Variants in SH3RF2 observed in about 807,000 individuals in gnomAD.
SH3RF2 encodes the protein E3 ubiquitin-protein ligase SH3RF2.
SH3RF2 carries 43 observed loss-of-function variants against 59.0 expected under a neutral mutation model. The ratio of observed to expected loss-of-function variants is 0.73; its 90% CI spans 0.57 to 0.94. The LOEUF is 0.94. Among genes scored for constraint, SH3RF2 ranks in the 40% least tolerant of loss-of-function variants. The probability of loss-of-function intolerance (pLI) is 0.00; values close to 1 mark genes in which losing one functional copy is unlikely to be tolerated. For synonymous variants in SH3RF2, 391 were observed against 391.5 expected (o/e 1.00, Z 0.01); for missense variants, 930 against 940.1 (o/e 0.99, Z 0.14).
At chr5:146,027,394 T>C (rs1761566777) in intron 5 of SH3RF2, among the ~76,000 whole-genome samples, 1 of 152,212 alleles carries the variant, frequency 6.6e-6, no homozygotes, top group Admixed American at 6.5e-5. Context: ...AAGCCCATTG[T>C]GAATCCTAGT....
chr5:146,017,078 C>T (rs1309663152), intron 5 of SH3RF2, among the ~76,000 whole-genome samples: 1 of 152,136 alleles, frequency 6.6e-6, no homozygotes, highest in African/African-American at 2.4e-5. Flanking sequence ...TATTTTTTCC[C>T]CTTTGTCATT....
chr5:145,979,539 C>T (rs1264013580), intron 2 of SH3RF2, among the ~76,000 whole-genome samples: 1 of 152,168 alleles, frequency 6.6e-6, no homozygotes, highest in Non-Finnish European at 1.5e-5. Context: ...TAACAAGCAG[C>T]TCTGTGGGGG....
At chr5:145,943,812 G>A (rs1757910428) in intron 2 of SH3RF2, among the ~76,000 whole-genome samples, 1 of 152,154 alleles carries the variant, frequency 6.6e-6, no homozygotes, top group African/African-American at 2.4e-5. Context: ...TGAGGCAATG[G>A]GTGGGGCATA....
intron 3 of SH3RF2, among the ~76,000 whole-genome samples, chr5:146,002,767 A>G (rs1346978896): frequency 2.0e-5 from 3 of 152,198 alleles, no homozygotes; most frequent in Non-Finnish European, 2.9e-5. Context: ...TTCTCATAGG[A>G]GCGTGAAACC....
chr5:146,016,160 G>T (rs1761094703), intron 5 of SH3RF2, among the ~76,000 whole-genome samples: 1 of 152,070 alleles, frequency 6.6e-6, no homozygotes, highest in South Asian at 2.1e-4. Flanking sequence ...ACTTGAGAAA[G>T]AATTAATTTC....
At chr5:146,015,664 A>G (rs1387833672) in intron 5 of SH3RF2, among the ~76,000 whole-genome samples, 1 of 152,222 alleles carries the variant, frequency 6.6e-6, no homozygotes, top group East Asian at 1.9e-4. Context: ...TGTGCTTTTA[A>G]AATTCTTATT....
intron 3 of SH3RF2, among the ~76,000 whole-genome samples, chr5:146,001,321 C>T (rs1359747817): frequency 6.6e-6 from 1 of 152,218 alleles, no homozygotes; most frequent in Non-Finnish European, 1.5e-5. Flanking sequence ...AAAAGTGGCA[C>T]TGCTACAATA....
intron 2 of SH3RF2, among the ~76,000 whole-genome samples, chr5:145,976,120 A>G (rs905055446): frequency 2.0e-5 from 3 of 152,224 alleles, no homozygotes; most frequent in African/African-American, 7.2e-5. Context: ...TTGAACAACT[A>G]CAATAGAGAA....
At chr5:146,051,171 G>C (rs1049017841) in intron 7 of SH3RF2, among the ~76,000 whole-genome samples, 1 of 152,152 alleles carries the variant, frequency 6.6e-6, no homozygotes, top group African/African-American at 2.4e-5. Context: ...GAGGGCAGAG[G>C]TTACATGAAG....
At chr5:145,947,775 T>C (rs1271702541) in intron 2 of SH3RF2, among the ~76,000 whole-genome samples, 2 of 152,354 alleles carry the variant, frequency 1.3e-5, no homozygotes, top group East Asian at 1.9e-4. Context: ...ACATATAAGA[T>C]GTCTTTGATG....
chr5:146,000,404 T>C, intron 3 of SH3RF2, 77 bp downstream of exon 3: 1 of 1,297,574 alleles, frequency 7.7e-7, no homozygotes, highest in Non-Finnish European at 1.0e-6. Context: ...TTGTTTAATA[T>C]TTGCTGATTT....
intron 2 of SH3RF2, among the ~76,000 whole-genome samples, chr5:145,991,351 G>C (rs763566712): frequency 1.3e-5 from 2 of 152,316 alleles, no homozygotes; most frequent in African/African-American, 4.8e-5. Flanking sequence ...CATGGAAAGT[G>C]CAGTAGTGCA....
chr5:145,993,326 A>G (rs1166418296), intron 2 of SH3RF2, among the ~76,000 whole-genome samples: 2 of 152,142 alleles, frequency 1.3e-5, no homozygotes, highest in African/African-American at 2.4e-5. Context: ...TGGATCTACC[A>G]TTCTGTGGTC....
chr5:146,030,756 G>A (rs1355834060), intron 5 of SH3RF2, among the ~76,000 whole-genome samples: 1 of 151,302 alleles, frequency 6.6e-6, no homozygotes, highest in Admixed American at 6.6e-5. Flanking sequence ...TGAATTTATT[G>A]GGGGGCAGGG....
chr5:146,045,969 A>G (rs905767917), intron 5 of SH3RF2, among the ~76,000 whole-genome samples: 2 of 152,144 alleles, frequency 1.3e-5, no homozygotes, highest in African/African-American at 2.4e-5. Flanking sequence ...TTCCATTTTT[A>G]TACCTCCTCC....
At chr5:146,019,541 T>C (rs1761230557) in intron 5 of SH3RF2, among the ~76,000 whole-genome samples, 1 of 152,208 alleles carries the variant, frequency 6.6e-6, no homozygotes, top group African/African-American at 2.4e-5. Context: ...AGTCAGGTAA[T>C]GTGATGCCTC....
rs963768669 is a variant in SH3RF2 at position 146,050,858 on chromosome 5, GAAGT to G, written c.1322+1617_1322+1620del. On this transcript the variant is annotated intron_variant, in intron 7 of 9. Coordinates refer to ENST00000359120, the MANE Select transcript of SH3RF2 (RefSeq NM_152550.4). ...GGTTGGTGAGGGATGGCTTTGCTGA[GAAGT>G]AAGAAGGAAAGCAGGAGCCAAGCCA... Among the ~76,000 whole-genome samples, 8 of 152,230 alleles carry G rather than the reference GAAGT, an allele frequency of 5.3e-5. No homozygotes were observed. In the East Asian group the frequency reaches 5.8e-4, roughly 11 times the overall value.
chr5:146,006,233 G>A (rs1214740437), intron 4 of SH3RF2, among the ~76,000 whole-genome samples: 1 of 152,054 alleles, frequency 6.6e-6, no homozygotes, highest in Admixed American at 6.6e-5. Flanking sequence ...GACCAGCTTG[G>A]GCAACATAGT....
At chr5:146,012,497 C>T in intron 4 of SH3RF2, among the ~76,000 whole-genome samples, 1 of 152,226 alleles carries the variant, frequency 6.6e-6, no homozygotes, top group African/African-American at 2.4e-5. Flanking sequence ...TGGTCCTGGA[C>T]TTTTCTTGGT....
Sources: allele counts gnomAD v4.1 joint callset (sites outside exome capture counted in the v4.1 genomes callset), GRCh38; gene constraint gnomAD v4.1.1; transcripts MANE v1.5; gene names NCBI Gene and HGNC (gene_info 2026-07-23, HGNC 2026-07-21).